Variants in MALRD1 observed in about 807,000 individuals in gnomAD.
The protein encoded by MALRD1 is MAM and LDL receptor class A domain containing 1.
MALRD1 carries 247 observed loss-of-function variants against 242.1 expected under a neutral mutation model. The ratio of observed to expected loss-of-function variants is 1.02; its 90% CI spans 0.92 to 1.13. MALRD1 has a LOEUF of 1.13. Among genes scored for constraint, MALRD1 ranks in the 50% most tolerant of loss-of-function variants. The pLI, the probability that MALRD1 is intolerant of heterozygous loss-of-function variation, is 0.00. For synonymous variants in MALRD1, 995 were observed against 866.6 expected (o/e 1.15, Z -2.60); for missense variants, 2,989 against 2,533.1 (o/e 1.18, Z -3.86).
At chr10:19,423,203 C>G (rs557453987) in intron 28 of MALRD1, among the ~76,000 whole-genome samples, 22 of 152,126 alleles carry the variant, frequency 1.4e-4, no homozygotes, top group African/African-American at 5.3e-4. Flanking sequence ...ATTGTTCCAA[C>G]AAACAGATCT....
chr10:19,193,841 A>AT (rs369844526), intron 14 of MALRD1, among the ~76,000 whole-genome samples: 2,813 of 149,724 alleles, frequency 0.019, 44 homozygotes, highest in South Asian at 0.028. Flanking sequence ...GGGGAAAAAA[A>AT]ATATATATAT....
intron 21 of MALRD1, among the ~76,000 whole-genome samples, chr10:19,298,492 G>A (rs1254279495): frequency 6.6e-6 from 1 of 151,354 alleles, no homozygotes; most frequent in African/African-American, 2.4e-5. Context: ...GGAAAGAAAG[G>A]GAAGGGAAGC....
At position 19,262,475 on chromosome 10, in the gene MALRD1, G is replaced by T. The variant is rs149297167; in HGVS notation, c.3079+4704G>T. 9.1e-3 allele frequency among the ~76,000 whole-genome samples: 1,385 copies of T among 151,926 alleles called. 16 individuals are homozygous for T. Among genetic ancestry groups the T allele is most frequent in the African/African-American group, 0.032 (1,312 of 41,408 alleles). On this transcript the variant is annotated intron_variant, in intron 19 of 39. Coordinates refer to ENST00000454679, the MANE Select transcript of MALRD1 (RefSeq NM_001142308.3). ...GTTCAACACCAGCCTGGTCAACATG[G>T]TGAAACGTGGTCTATACTAAAAATA...
intron 2 of MALRD1, among the ~76,000 whole-genome samples, chr10:19,074,563 T>C (rs1489532660): frequency 6.6e-6 from 1 of 152,096 alleles, no homozygotes; most frequent in African/African-American, 2.4e-5. Context: ...TTCAGAGTTA[T>C]ATGTCAGTGA....
chr10:19,308,617 A>G lies in MALRD1; in HGVS notation c.3420-15332A>G, dbSNP rs1842316069. On this transcript the variant is annotated intron_variant, in intron 21 of 39. Coordinates refer to ENST00000454679, the MANE Select transcript of MALRD1 (RefSeq NM_001142308.3). ...TTTTATACTTACTTGAGATGCTACC[A>G]TATCTTGTCCCCAGGTAGAGTTTAG... Among the ~76,000 whole-genome samples, 3 of 151,504 alleles carry G rather than the reference A, an allele frequency of 2.0e-5. No homozygotes were observed. The South Asian group carries it at 6.2e-4, about 31-fold the overall frequency.
chr10:19,233,885 GT>G (rs1838189941), intron 18 of MALRD1, among the ~76,000 whole-genome samples: 1 of 151,394 alleles, frequency 6.6e-6, no homozygotes, highest in Non-Finnish European at 1.5e-5. Context: ...TTTGTATAAG[GT>G]TTCCCTATTA....
chr10:19,514,298 T>C (rs1447272547), intron 31 of MALRD1, among the ~76,000 whole-genome samples: 1 of 152,204 alleles, frequency 6.6e-6, no homozygotes, highest in Non-Finnish European at 1.5e-5. Context: ...CAAACACATA[T>C]TAATAACATA....
intron 32 of MALRD1, among the ~76,000 whole-genome samples, chr10:19,535,219 A>G (rs1344552207): frequency 6.6e-6 from 1 of 152,134 alleles, no homozygotes; most frequent in Non-Finnish European, 1.5e-5. Flanking sequence ...ACCCTAGTAA[A>G]TATTGGAAAC....
chr10:19,246,274 T>C (rs1421702775), intron 18 of MALRD1, among the ~76,000 whole-genome samples: 2 of 152,174 alleles, frequency 1.3e-5, no homozygotes, highest in Non-Finnish European at 2.9e-5. Context: ...AGCATAAATA[T>C]TCAGACACAT....
intron 36 of MALRD1, among the ~76,000 whole-genome samples, chr10:19,625,167 A>G (rs368261199): frequency 1.3e-5 from 2 of 152,258 alleles, no homozygotes; most frequent in East Asian, 1.9e-4. Context: ...TTCTTTGGCC[A>G]CGATCTATGC....
At chr10:19,724,353 A>G (rs1482767782) in intron 38 of MALRD1, among the ~76,000 whole-genome samples, 3 of 152,210 alleles carry the variant, frequency 2.0e-5, no homozygotes, top group Non-Finnish European at 4.4e-5. Context: ...TTAATAGAAA[A>G]CACTCACTGA....
intron 34 of MALRD1, among the ~76,000 whole-genome samples, chr10:19,603,869 A>G (rs1374574658): frequency 1.3e-5 from 2 of 152,144 alleles, no homozygotes; most frequent in Non-Finnish European, 2.9e-5. Flanking sequence ...ATAAGATGGT[A>G]AATTTAATTG....
intron 1 of MALRD1, among the ~76,000 whole-genome samples, chr10:19,063,149 C>G (rs199846521): frequency 6.6e-6 from 1 of 151,378 alleles, no homozygotes; most frequent in African/African-American, 2.4e-5. Flanking sequence ...CTGTCCCCCC[C>G]CCAAAAAAAA....
chr10:19,468,698 C>T (rs1242209862), intron 29 of MALRD1, among the ~76,000 whole-genome samples: 1 of 151,910 alleles, frequency 6.6e-6, no homozygotes, highest in Non-Finnish European at 1.5e-5. Flanking sequence ...GGGGGCCCTA[C>T]ACCACCAAAG....
At chr10:19,112,479 T>C (rs547255581) in intron 5 of MALRD1, among the ~76,000 whole-genome samples, 1 of 152,230 alleles carries the variant, frequency 6.6e-6, no homozygotes, top group East Asian at 1.9e-4. Flanking sequence ...ATGGAGGAGA[T>C]AATTATGGAA....
At chr10:19,130,529 T>G (rs1242995722) in intron 8 of MALRD1, among the ~76,000 whole-genome samples, 1 of 152,122 alleles carries the variant, frequency 6.6e-6, no homozygotes, top group South Asian at 2.1e-4. Flanking sequence ...TTGAATGAAT[T>G]TTTAGCCTAA....
At chr10:19,056,370 G>T (rs938288913) in intron 1 of MALRD1, among the ~76,000 whole-genome samples, 1 of 150,642 alleles carries the variant, frequency 6.6e-6, no homozygotes, top group Non-Finnish European at 1.5e-5. Context: ...TTTAATTCTC[G>T]GTGTTTTATA....
intron 13 of MALRD1, among the ~76,000 whole-genome samples, chr10:19,172,831 C>G (rs755743039): frequency 2.0e-5 from 3 of 151,550 alleles, no homozygotes; most frequent in Non-Finnish European, 4.4e-5. Context: ...GTTAAGCTGT[C>G]CAAAAAAATC....
intron 32 of MALRD1, among the ~76,000 whole-genome samples, chr10:19,535,163 C>T (rs1283757155): frequency 5.9e-5 from 9 of 152,194 alleles, no homozygotes; most frequent in Admixed American, 5.2e-4. Flanking sequence ...GGATTACAGG[C>T]GTGAGCCACT....
Sources: gnomAD v4.1 joint callset for allele counts (sites outside exome capture counted in the v4.1 genomes callset) on GRCh38, gnomAD v4.1.1 for gene constraint, MANE v1.5 for transcripts, NCBI Gene and HGNC (gene_info 2026-07-23, HGNC 2026-07-21) for gene names.